ZNF517: variants seen among roughly 807,000 people sequenced by gnomAD.
ZNF517 encodes zinc finger protein 517.
ZNF517 carries 12 observed loss-of-function variants against 12.1 expected under a neutral mutation model. That is an observed-to-expected ratio of 0.99 (90% CI 0.63 to 1.61). The LOEUF is 1.61. Among genes scored for constraint, ZNF517 ranks in the 40% most tolerant of loss-of-function variants. ZNF517 has a pLI of 0.00. For missense variants in ZNF517, 781 were observed against 693.2 expected (o/e 1.13, Z -1.42); for synonymous variants, 388 against 310.2 (o/e 1.25, Z -2.63).
Position 144,807,612 on chromosome 8 carries a change from G to A in ZNF517, c.696G>A (p.Pro232=), listed in dbSNP as rs747820321. The A allele has an allele frequency of 8.7e-6, 14 of 1,608,210 alleles. No homozygotes were observed. The highest frequency in any genetic ancestry group is 8.4e-5 in the Admixed American group (5 of 59,442). Residue 232 remains proline, a synonymous_variant, in exon 5 of 5, where the codon CCG becomes CCA. Transcript: ENST00000359971. ...AGCTGATCCACACTGAGGAGAAGCC[G>A]TTCCAGTGCGGCGAGTGCGGGAAGG... ...RHQLIHTEEK[P]FQCGECGKAF...
At position 144,803,095 on chromosome 8, in the gene ZNF517, A is replaced by G. The variant is rs564453895; in HGVS notation, c.33+148A>G. ...AAGCCGAGGACAGCCTCCTCGCTCT[A>G]TGGCCAGGCCTCACACATGGCTCTG... On this transcript the variant is annotated intron_variant, in intron 2 of 4. Coordinates refer to ENST00000359971, the MANE Select transcript of ZNF517 (RefSeq NM_213605.3). 2.8e-5 allele frequency: 29 copies of G among 1,034,874 alleles called. No individual in the cohort carries two copies. In the African/African-American group the frequency reaches 4.2e-4, roughly 15 times the overall value. 64.1% of individuals were successfully genotyped at this position (1,034,874 alleles called of 1,614,324 possible).
Position 144,808,573 on chromosome 8 carries a change from A to G in ZNF517, c.*178A>G. The G allele has an allele frequency of 1.1e-6, 1 of 911,024 alleles. No individual in the cohort carries two copies. Among genetic ancestry groups the G allele is most frequent in the Non-Finnish European group, 1.5e-6 (1 of 676,178 alleles). The allele number at this position is 911,024 out of a possible 1,614,324, so 56.4% of individuals were successfully genotyped here. A position where few individuals can be genotyped will look rare whatever the true frequency, so the allele number is the denominator to read the frequency against. Reference sequence around the variant, plus strand: ...GGGCACTGGGGAGGGAAAGGGCACCAGGCAGCCCGTGGTGTGGCCTCAGGA... The same window carrying G: ...GGGCACTGGGGAGGGAAAGGGCACCGGGCAGCCCGTGGTGTGGCCTCAGGA... On this transcript the variant is annotated 3_prime_UTR_variant, in exon 5 of 5. Transcript: ENST00000359971.
At position 144,808,350 on chromosome 8, in the gene ZNF517, C is replaced by T. The variant is rs1827399986; in HGVS notation, c.1434C>T (p.Pro478=). The T allele has an allele frequency of 6.8e-6, 10 of 1,473,380 alleles. No individual in the cohort carries two copies. Among genetic ancestry groups the T allele is most frequent in the African/African-American group, 4.3e-5 (3 of 70,300 alleles). 91.3% of individuals were successfully genotyped at this position (1,473,380 alleles called of 1,614,324 possible). A position where few individuals can be genotyped will look rare whatever the true frequency, so the allele number is the denominator to read the frequency against. Residue 478 remains proline, a synonymous_variant, in exon 5 of 5, where the codon CCC becomes CCT. Transcript: ENST00000359971. The part of the protein sequence containing the change: ...IQHQKVHGRE[P]GEDTEGRRAP... Reference sequence around the variant, plus strand: ...ACCAGAAGGTGCACGGCCGCGAGCCCGGGGAGGACACAGAGGGCAGGCGGG... The same window carrying T: ...ACCAGAAGGTGCACGGCCGCGAGCCTGGGGAGGACACAGAGGGCAGGCGGG...
At chr8:144,800,667 G>C (rs527666621) in intron 1 of ZNF517, 2 of 985,250 alleles carry the variant, frequency 2.0e-6, no homozygotes, top group Non-Finnish European at 2.4e-6. Flanking sequence ...GGGGTGGTGT[G>C]GCCCTGCTCT....
intron 2 of ZNF517, 150 bp from the exon 3 acceptor site, chr8:144,803,491 G>A (rs1827069199): frequency 2.0e-6 from 2 of 996,926 alleles, no homozygotes; most frequent in East Asian, 2.5e-5. Context: ...TCACTCGGGG[G>A]GTGTTGGGCT....
chr8:144,812,056 A>T (rs184145092), downstream of ZNF517, among the ~76,000 whole-genome samples: 1 of 130,570 alleles, frequency 7.7e-6, no homozygotes, highest in African/African-American at 3.3e-5. Flanking sequence ...AGACTGCAGA[A>T]TGGAAGCAAA....
chr8:144,799,357 G>A (rs910792943), intron 1 of ZNF517, among the ~76,000 whole-genome samples: 1 of 152,176 alleles, frequency 6.6e-6, no homozygotes, highest in Non-Finnish European at 1.5e-5. Context: ...GCGCAGTTTT[G>A]CCCCCTCCCC....
At chr8:144,812,592 C>T (rs1191604290), downstream of ZNF517, among the ~76,000 whole-genome samples, 1 of 152,246 alleles carries the variant, frequency 6.6e-6, no homozygotes, top group Non-Finnish European at 1.5e-5. Flanking sequence ...TTTCTGGTCA[C>T]TTCAGTCTGC....
rs770450326 is a variant in ZNF517, at chr8:144,803,633, G to A, written c.34-8G>A. 3 of 1,613,866 alleles carry A rather than the reference G, an allele frequency of 1.9e-6. No individual in the cohort carries two copies. Among genetic ancestry groups the A allele is most frequent in the African/African-American group, 1.3e-5 (1 of 74,912 alleles). ...TGACTGCCTGGATAGCAGAGTATGT[G>A]GTTGCAGGAGGCGGTTGTGTTCGAG... On this transcript the variant is annotated splice_region_variant and splice_polypyrimidine_tract_variant and intron_variant, in intron 2 of 4. Coordinates refer to ENST00000359971, the MANE Select transcript of ZNF517 (RefSeq NM_213605.3).
intron 4 of ZNF517, among the ~76,000 whole-genome samples, chr8:144,805,728 G>T (rs1827194246): frequency 6.6e-6 from 1 of 150,868 alleles, no homozygotes; most frequent in African/African-American, 2.4e-5. Flanking sequence ...CCATTCTTCT[G>T]CCTCAGCCTC....
intron 1 of ZNF517, among the ~76,000 whole-genome samples, chr8:144,799,318 C>T (rs914174551): frequency 1.3e-5 from 2 of 152,204 alleles, no homozygotes; most frequent in African/African-American, 4.8e-5. Flanking sequence ...CCCCGGCGGA[C>T]GCCGTTTCCC....
Position 144,807,966 on chromosome 8 carries a change from G to A in ZNF517, c.1050G>A (p.Gly350=), listed in dbSNP as rs760321441. ...AGGGTGCCCAGGACGGCGGCGTGGG[G>A]CAGGGCGCCCTGCTCGGAGCTGCGC... ...AQEGAQDGGV[G]QGALLGAAQR... Residue 350 remains glycine (G), a synonymous_variant, in exon 5 of 5, where the codon GGG becomes GGA. Coordinates refer to ENST00000359971, the MANE Select transcript of ZNF517 (RefSeq NM_213605.3). 6.6e-7 allele frequency: 1 copy of A among 1,507,950 alleles called. No homozygotes were observed. The allele number at this position is 1,507,950 out of a possible 1,614,324, so 93.4% of individuals were successfully genotyped here.
chr8:144,806,474 T>C (rs1213490664), intron 4 of ZNF517, among the ~76,000 whole-genome samples: 1 of 151,450 alleles, frequency 6.6e-6, no homozygotes, highest in Non-Finnish European at 1.5e-5. Context: ...CCTGATTTTA[T>C]TTTATTTTTA....
chr8:144,810,490 G>T (rs1454953408), downstream of ZNF517: 2 of 385,112 alleles, frequency 5.2e-6, no homozygotes, highest in Non-Finnish European at 9.3e-6. Context: ...CTGGGCAGTA[G>T]CCGGGACATG....
At chr8:144,801,413 A>T (rs959028199) in intron 1 of ZNF517, among the ~76,000 whole-genome samples, 1 of 152,064 alleles carries the variant, frequency 6.6e-6, no homozygotes, top group Non-Finnish European at 1.5e-5. Context: ...GTTCACTGCA[A>T]CCTCTGCCTC....
chr8:144,802,384 C>T (rs1827009630), intron 1 of ZNF517, among the ~76,000 whole-genome samples: 1 of 152,196 alleles, frequency 6.6e-6, no homozygotes, highest in Non-Finnish European at 1.5e-5. Context: ...TCAAACAAAA[C>T]AAAACAATAA....
chr8:144,801,526 G>T (rs1316180003), intron 1 of ZNF517, among the ~76,000 whole-genome samples: 1 of 152,050 alleles, frequency 6.6e-6, no homozygotes, highest in Non-Finnish European at 1.5e-5. Context: ...CACCCAGGCT[G>T]GAGTGCGGTG....
At chr8:144,810,270 G>A (rs1467713682), downstream of ZNF517, 1 of 616,222 alleles carries the variant, frequency 1.6e-6, no homozygotes, top group Non-Finnish European at 3.0e-6. Context: ...AAGAGAAGGT[G>A]AGGGGGGATT....
rs11779763 is a variant in ZNF517, at chr8:144,803,128, C to T, written c.33+181C>T. The T allele has an allele frequency of 1.3e-4, 103 of 781,894 alleles. 1 individual carries two copies. The South Asian group carries it at 1.9e-3, about 14-fold the overall frequency. The allele number at this position is 781,894 out of a possible 1,614,324, so 48.4% of individuals were successfully genotyped here. A position where few individuals can be genotyped will look rare whatever the true frequency, so the allele number is the denominator to read the frequency against. On this transcript the variant is annotated intron_variant, in intron 2 of 4. Coordinates refer to ENST00000359971, the MANE Select transcript of ZNF517 (RefSeq NM_213605.3). ...GCCTCACACATGGCTCTGCCAAATC[C>T]TTCCAGCCTTTGGGCAGAAGTGGGC...
Sources: allele counts gnomAD v4.1 joint callset (sites outside exome capture counted in the v4.1 genomes callset), GRCh38; gene constraint gnomAD v4.1.1; transcripts MANE v1.5; gene names NCBI Gene and HGNC (gene_info 2026-07-23, HGNC 2026-07-21).